BICC1: variants seen among roughly 807,000 people sequenced by gnomAD.
BICC1 encodes BicC family RNA binding protein 1, also known as protein bicaudal C homolog 1.
BICC1 carries 43 observed loss-of-function variants against 111.0 expected under a neutral mutation model. The observed-to-expected ratio is 0.39, with a 90% CI of 0.30 to 0.50. BICC1 has a LOEUF of 0.50. BICC1 is among the 20% of genes least tolerant of loss of function. The pLI is 0.88. For missense variants in BICC1, 1,091 were observed against 1,203.2 expected, an observed-to-expected ratio of 0.91 and a Z score of 1.38; for synonymous variants, 467 against 434.4, an observed-to-expected ratio of 1.07 and a Z score of -0.93.
chr10:58,529,141 C>T (rs1842618084), intron 1 of BICC1, among the ~76,000 whole-genome samples: 1 of 151,904 alleles, frequency 6.6e-6, no homozygotes, highest in Non-Finnish European at 1.5e-5. Context: ...TTGGTGTTAA[C>T]ATACTTGTCT....
At chr10:58,666,468 A>G (rs963356953) in intron 2 of BICC1, among the ~76,000 whole-genome samples, 1 of 152,288 alleles carries the variant, frequency 6.6e-6, no homozygotes, top group Middle Eastern at 3.4e-3. Flanking sequence ...CAATATCCTA[A>G]TTATGTTCTT....
chr10:58,747,631 CTT>C (rs969171201), intron 3 of BICC1, among the ~76,000 whole-genome samples: 2 of 152,084 alleles, frequency 1.3e-5, no homozygotes, highest in African/African-American at 4.8e-5. Context: ...GAAATTTACT[CTT>C]TCAGTTATTT....
intron 20 of BICC1, among the ~76,000 whole-genome samples, chr10:58,827,805 G>A (rs566806347): frequency 6.6e-6 from 1 of 152,102 alleles, no homozygotes; most frequent in East Asian, 1.9e-4. Flanking sequence ...TTTTTGTAAA[G>A]TTACACCAAA....
At chr10:58,788,632 A>G (rs1843082594) in intron 6 of BICC1, among the ~76,000 whole-genome samples, 1 of 152,226 alleles carries the variant, frequency 6.6e-6, no homozygotes, top group Non-Finnish European at 1.5e-5. Context: ...TGTTATTTAT[A>G]AAATTTTTTC....
intron 18 of BICC1, among the ~76,000 whole-genome samples, chr10:58,816,984 C>T (rs1285056536): frequency 1.3e-5 from 2 of 151,980 alleles, no homozygotes; most frequent in Non-Finnish European, 2.9e-5. Flanking sequence ...ATCCAGGAAC[C>T]CCAGCATCAT....
At chr10:58,698,273 G>A (rs949140072) in intron 2 of BICC1, among the ~76,000 whole-genome samples, 2 of 152,146 alleles carry the variant, frequency 1.3e-5, no homozygotes, top group Non-Finnish European at 2.9e-5. Context: ...CAAGAGACAC[G>A]TTACCTGTCC....
intron 4 of BICC1, among the ~76,000 whole-genome samples, chr10:58,786,404 A>G (rs1843012959): frequency 6.6e-6 from 1 of 152,188 alleles, no homozygotes; most frequent in Non-Finnish European, 1.5e-5. Context: ...TAATAGATCT[A>G]CTTTGTAAAG....
intron 2 of BICC1, among the ~76,000 whole-genome samples, chr10:58,642,607 A>G (rs1204559455): frequency 6.8e-6 from 1 of 147,920 alleles, no homozygotes; most frequent in African/African-American, 2.5e-5. Flanking sequence ...TGACTGTACA[A>G]CCCATCATTC....
rs750854929 is a variant in BICC1, at chr10:58,819,033, AC to A, written c.2694+1312del. ...AGGGACTTAATGTAATATTTTATTA[AC>A]TACAGCAGGGGTCAGCAAACTGTGG... On this transcript the variant is annotated intron_variant, in intron 19 of 20. Coordinates refer to ENST00000373886, the MANE Select transcript of BICC1 (RefSeq NM_001080512.3). Among the ~76,000 whole-genome samples, 102 of 152,276 alleles carry A rather than the reference AC, an allele frequency of 6.7e-4. 1 individual carries two copies. Among genetic ancestry groups the A allele is most frequent in the Admixed American group, 4.1e-3 (62 of 15,270 alleles).
chr10:58,629,706 C>T (rs1259574506), intron 2 of BICC1, among the ~76,000 whole-genome samples: 1 of 152,136 alleles, frequency 6.6e-6, no homozygotes, highest in Non-Finnish European at 1.5e-5. Context: ...AGGAGATTTA[C>T]AGTAATGATT....
intron 1 of BICC1, among the ~76,000 whole-genome samples, chr10:58,599,377 A>C (rs984165530): frequency 6.6e-6 from 1 of 152,144 alleles, no homozygotes; most frequent in Non-Finnish European, 1.5e-5. Flanking sequence ...GGAAACCATC[A>C]TTCTCAACAA....
chr10:58,566,106 C>T (rs1843745886), intron 1 of BICC1, among the ~76,000 whole-genome samples: 1 of 151,550 alleles, frequency 6.6e-6, no homozygotes, highest in Non-Finnish European at 1.5e-5. Context: ...GCTGCAAATG[C>T]CATTTTTTCA....
Position 58,830,018 on chromosome 10 carries a change from A to G in BICC1, c.*1127A>G, listed in dbSNP as rs1844512136. The G allele has an allele frequency of 6.6e-6, 1 of 152,058 alleles. No homozygotes were observed. The highest frequency in any genetic ancestry group is 1.5e-5 in the Non-Finnish European group (1 of 68,032). The allele number at this position is 152,058 out of a possible 1,614,324, so 9.4% of individuals were successfully genotyped here. On this transcript the variant is annotated 3_prime_UTR_variant, in exon 21 of 21. Coordinates refer to ENST00000373886, the MANE Select transcript of BICC1 (RefSeq NM_001080512.3). ...AATCCTTATCATGTACACGTTAGCT[A>G]TGTTCCGTATGGCCACAGGACTTTC...
intron 6 of BICC1, 148 bp from the exon 7 acceptor site, chr10:58,789,114 A>AT: frequency 1.6e-6 from 1 of 633,946 alleles, no homozygotes; most frequent in Non-Finnish European, 2.5e-6. Flanking sequence ...GAAAAAAAAA[A>AT]ACTTTATATA....
chr10:58,799,194 T>A lies in BICC1; in HGVS notation c.1667T>A (p.Ile556Asn). Residue 556 changes from isoleucine (I) to asparagine (N), a missense_variant, in exon 12 of 21, where the codon ATC becomes AAC. Physicochemically the swap from Ile to Asn is moderately radical, Grantham distance 149 (BLOSUM62 -3). Coordinates refer to ENST00000373886, the MANE Select transcript of BICC1 (RefSeq NM_001080512.3). ...PPGLTPVDVH[I>N]NSMQTEGKKI... ...GGCTTGACTCCTGTTGATGTCCATA[T>A]CAACAGTATGCAGACCGAAGGCAAA... 3.7e-6 allele frequency: 6 copies of A among 1,613,766 alleles called. No homozygotes were observed. Among genetic ancestry groups the A allele is most frequent in the Non-Finnish European group, 5.1e-6 (6 of 1,179,862 alleles).
chr10:58,707,383 C>T (rs957524888), intron 3 of BICC1, among the ~76,000 whole-genome samples: 31 of 152,054 alleles, frequency 2.0e-4, no homozygotes, highest in African/African-American at 7.2e-4. Flanking sequence ...CATGGCAGGG[C>T]ATGGCATGCT....
At chr10:58,556,879 T>C (rs892054075) in intron 1 of BICC1, among the ~76,000 whole-genome samples, 1 of 152,078 alleles carries the variant, frequency 6.6e-6, no homozygotes, top group Non-Finnish European at 1.5e-5. Context: ...TTTATTCTAG[T>C]GTAACATCTT....
intron 1 of BICC1, among the ~76,000 whole-genome samples, chr10:58,563,887 T>G (rs1450293095): frequency 7.4e-6 from 1 of 135,950 alleles, no homozygotes; most frequent in Admixed American, 8.5e-5. Flanking sequence ...AAAAGTAGAT[T>G]GCATATTTGA....
chr10:58,700,905 G>C (rs542457969), intron 2 of BICC1, among the ~76,000 whole-genome samples: 4 of 152,250 alleles, frequency 2.6e-5, no homozygotes, highest in Admixed American at 2.6e-4. Flanking sequence ...GAAGTTCCCA[G>C]ATTTAAAAAT....
Sources: allele counts gnomAD v4.1 joint callset (sites outside exome capture counted in the v4.1 genomes callset), GRCh38; gene constraint gnomAD v4.1.1; transcripts MANE v1.5; gene names NCBI Gene and HGNC (gene_info 2026-07-23, HGNC 2026-07-21).